Variants in ROBO3 observed in about 807,000 individuals in gnomAD.
ROBO3 encodes roundabout guidance receptor 3.
In ROBO3, 97 loss-of-function variants were observed where a neutral mutation model predicts 160.5. The ratio of observed to expected loss-of-function variants is 0.60; its 90% CI spans 0.51 to 0.72. ROBO3 has a LOEUF of 0.72. Among genes scored for constraint, ROBO3 ranks in the 30% least tolerant of loss-of-function variants. The pLI, the probability that ROBO3 is intolerant of heterozygous loss-of-function variation, is 0.00. For missense variants in ROBO3, 1,858 were observed against 1,846.5 expected (o/e 1.01, Z -0.11); for synonymous variants, 780 against 746.2 (o/e 1.05, Z -0.74).
chr11:124,873,484 CTTTATGTCA>C lies in ROBO3; in HGVS notation c.1618+94_1618+102del. ...ATACCTCCTCAAACTCCGGGATTAACTTTATGTCACAAATGCCATGGTTACGGTGGTGAG... is the reference window on the plus strand; with the variant it reads ...ATACCTCCTCAAACTCCGGGATTAACCAAATGCCATGGTTACGGTGGTGAG... On this transcript the variant is annotated intron_variant, in intron 10 of 27. Coordinates refer to ENST00000397801, the MANE Select transcript of ROBO3 (RefSeq NM_022370.4). This position sits in a 1 kb window ranked among gnomAD's most constrained non-coding sequence, Gnocchi z 4.5. 1.7e-6 allele frequency: 2 copies of C among 1,181,820 alleles called. No homozygotes were observed. The highest frequency in any genetic ancestry group is 2.6e-5 in the South Asian group (2 of 75,782). The allele number at this position is 1,181,820 out of a possible 1,614,324, so 73.2% of individuals were successfully genotyped here. A position where few individuals can be genotyped will look rare whatever the true frequency, so the allele number is the denominator to read the frequency against.
chr11:124,874,034 G>A, intron 11 of ROBO3, 36 bp from the exon 12 acceptor site: 1 of 1,612,512 alleles, frequency 6.2e-7, no homozygotes. Flanking sequence ...GGGAGTTCCT[G>A]GCTTAGACAA....
Position 124,869,225 on chromosome 11 carries a change from C to A in ROBO3, c.487+97C>A. On this transcript the variant is annotated intron_variant, in intron 2 of 27. Coordinates refer to ENST00000397801, the MANE Select transcript of ROBO3 (RefSeq NM_022370.4). This position sits in a 1 kb window ranked among gnomAD's most constrained non-coding sequence, Gnocchi z 4.2. The stretch of plus-strand genomic sequence containing the variant: ...ACCCAGAACCAGCCCCAAAGGACTT[C>A]AGCCCACTCAGCATCCTTCTTTGGG... 1 of 1,304,052 alleles carries A rather than the reference C, an allele frequency of 7.7e-7. No homozygotes were observed. Among genetic ancestry groups the A allele is most frequent in the South Asian group, 1.4e-5 (1 of 70,580 alleles). 80.8% of individuals were successfully genotyped at this position (1,304,052 alleles called of 1,614,324 possible).
At chr11:124,877,238 T>A (rs777861989) in intron 18 of ROBO3, 29 bp from the exon 19 acceptor site, 37 of 1,613,908 alleles carry the variant, frequency 2.3e-5, no homozygotes, top group Non-Finnish European at 3.0e-5. Context: ...GGCCCTTCTC[T>A]CACTCATTCG....
chr11:124,874,269 A>T (rs1260958284), intron 12 of ROBO3, 33 bp downstream of exon 12: 3 of 1,586,552 alleles, frequency 1.9e-6, no homozygotes, highest in Non-Finnish European at 2.6e-6. Flanking sequence ...CATGAGCATG[A>T]AATGTAACAT....
In ROBO3 at chr11:124,876,190, A is replaced by T. The variant is rs999903004; in HGVS notation, c.2593+65A>T. On this transcript the variant is annotated intron_variant, in intron 16 of 27. Coordinates refer to ENST00000397801, the MANE Select transcript of ROBO3 (RefSeq NM_022370.4). This position sits in a 1 kb window ranked among gnomAD's most constrained non-coding sequence, Gnocchi z 5.3. Reference sequence around the variant, plus strand: ...GGCGGGGCAAGCCCCCCACTGGGGTAGCTGTGCCTGCCGGGTCGGGAATGA... The same window carrying T: ...GGCGGGGCAAGCCCCCCACTGGGGTTGCTGTGCCTGCCGGGTCGGGAATGA... 2.0e-6 allele frequency: 3 copies of T among 1,532,826 alleles called. No homozygotes were observed. The highest frequency in any genetic ancestry group is 2.6e-6 in the Non-Finnish European group (3 of 1,147,148). 95.0% of individuals were successfully genotyped at this position (1,532,826 alleles called of 1,614,324 possible).
At chr11:124,868,452 C>T in intron 1 of ROBO3, 2 of 576,918 alleles carry the variant, frequency 3.5e-6, no homozygotes, top group South Asian at 4.1e-5. Flanking sequence ...GGGCAGGAGG[C>T]GAGGGAGCGG....
At chr11:124,877,491 T>TC in intron 19 of ROBO3, 28 bp from the exon 20 acceptor site, 1 of 1,599,496 alleles carries the variant, frequency 6.3e-7, no homozygotes, top group African/African-American at 1.3e-5. Flanking sequence ...AGGCTCTCCG[T>TC]CCCCAACGCT....
At chr11:124,866,965 T>C (rs1185890666) in intron 1 of ROBO3, among the ~76,000 whole-genome samples, 4 of 152,180 alleles carry the variant, frequency 2.6e-5, no homozygotes, top group Non-Finnish European at 5.9e-5. Flanking sequence ...ACCTAGCGCG[T>C]TTACAGAGTG....
At chr11:124,870,409 G>T (rs1424377757) in intron 5 of ROBO3, 106 bp downstream of exon 5, 89 of 1,493,746 alleles carry the variant, frequency 6.0e-5, no homozygotes, top group Non-Finnish European at 8.1e-6. Context: ...ACACAGAGAA[G>T]TCTGTTCCCT....
chr11:124,881,417 A>C lies in ROBO3; in HGVS notation c.*167A>C. 1.5e-6 allele frequency: 1 copy of C among 648,408 alleles called. No homozygotes were observed. Among genetic ancestry groups the C allele is most frequent in the Non-Finnish European group, 2.7e-6 (1 of 371,178 alleles). The allele number at this position is 648,408 out of a possible 1,614,324, so 40.2% of individuals were successfully genotyped here. ...AGCTCCTCCCTTTCTTTCTTTTTCC[A>C]CCTGAGACTTGTTTATAAAAAACAA... On this transcript the variant is annotated 3_prime_UTR_variant, in exon 28 of 28. Transcript: ENST00000397801.
intron 1 of ROBO3, 191 bp from the exon 2 acceptor site, chr11:124,868,611 C>G (rs1033913920): frequency 8.5e-6 from 6 of 708,268 alleles, no homozygotes; most frequent in African/African-American, 7.0e-5. Flanking sequence ...TCCTTTGAGA[C>G]GAGGAACGCG....
rs1352924630 is a variant in ROBO3 at position 124,881,432 on chromosome 11, A to T, written c.*182A>T. On this transcript the variant is annotated 3_prime_UTR_variant, in exon 28 of 28. Transcript: ENST00000397801. ...TTCTTTTTCCACCTGAGACTTGTTT[A>T]TAAAAAACAAAACAATAAAAAGAGT... is the stretch of plus-strand genomic sequence containing the variant. 2 of 620,764 alleles carry T rather than the reference A, an allele frequency of 3.2e-6. No individual in the cohort carries two copies. The highest frequency in any genetic ancestry group is 3.7e-5 in the African/African-American group (2 of 54,086). 38.5% of individuals were successfully genotyped at this position (620,764 alleles called of 1,614,324 possible).
Position 124,865,782 on chromosome 11 carries a change from G to C in ROBO3, c.160+45G>C. ...GGATATGGGATCCTGGGATGGGGAT[G>C]AGGTGAGAGGGCGGCGTGGAAGGGA... On this transcript the variant is annotated intron_variant, in intron 1 of 27. Coordinates refer to ENST00000397801, the MANE Select transcript of ROBO3 (RefSeq NM_022370.4). The surrounding 1 kb of genome is among the most constrained non-coding windows in gnomAD (Gnocchi z 5.5). 1.3e-6 allele frequency: 2 copies of C among 1,550,106 alleles called. No individual in the cohort carries two copies. Among genetic ancestry groups the C allele is most frequent in the Non-Finnish European group, 8.7e-7 (1 of 1,147,256 alleles).
Position 124,869,820 on chromosome 11 carries a change from G to T in ROBO3, c.646-128G>T. On this transcript the variant is annotated intron_variant, in intron 3 of 27. Transcript: ENST00000397801. The surrounding 1 kb of genome is among the most constrained non-coding windows in gnomAD (Gnocchi z 4.2). ...ATTTGATATGTGGGTCAACTTCCTT[G>T]GTCTCCTTTATCAGCTTGCTGTGAG... 1 of 1,374,934 alleles carries T rather than the reference G, an allele frequency of 7.3e-7. No individual in the cohort carries two copies. The highest frequency in any genetic ancestry group is 1.0e-6 in the Non-Finnish European group (1 of 1,001,400). 85.2% of individuals were successfully genotyped at this position (1,374,934 alleles called of 1,614,324 possible).
In ROBO3 at chr11:124,869,812, A is replaced by G. The variant is rs1483507462; in HGVS notation, c.646-136A>G. 24 of 1,347,700 alleles carry G rather than the reference A, an allele frequency of 1.8e-5. No homozygotes were observed. The highest frequency in any genetic ancestry group is 1.1e-4 in the Admixed American group (5 of 46,842). The allele number at this position is 1,347,700 out of a possible 1,614,324, so 83.5% of individuals were successfully genotyped here. On this transcript the variant is annotated intron_variant, in intron 3 of 27. Transcript: ENST00000397801. The surrounding 1 kb of genome is among the most constrained non-coding windows in gnomAD (Gnocchi z 4.2). ...AACTTCCCATTTGATATGTGGGTCA[A>G]CTTCCTTGGTCTCCTTTATCAGCTT...
At position 124,876,644 on chromosome 11, in the gene ROBO3, G is replaced by A; in HGVS notation, c.2779+184G>A. 1.9e-6 allele frequency: 1 copy of A among 516,924 alleles called. No individual in the cohort carries two copies. Among genetic ancestry groups the A allele is most frequent in the Non-Finnish European group, 3.2e-6 (1 of 309,668 alleles). 32.0% of individuals were successfully genotyped at this position (516,924 alleles called of 1,614,324 possible). A position where few individuals can be genotyped will look rare whatever the true frequency, so the allele number is the denominator to read the frequency against. On this transcript the variant is annotated intron_variant, in intron 17 of 27. Transcript: ENST00000397801. This position sits in a 1 kb window ranked among gnomAD's most constrained non-coding sequence, Gnocchi z 5.3. The stretch of plus-strand genomic sequence containing the variant: ...CTCGAGGAGCTGCCAGGACTAGGGA[G>A]GGCTGCGGGCCAAGACGGGGCGGGA...
chr11:124,877,983 C>T lies in ROBO3; in HGVS notation c.3033C>T (p.Ala1011=). The T allele has an allele frequency of 2.0e-5, 32 of 1,610,826 alleles. No homozygotes were observed. Among genetic ancestry groups the T allele is most frequent in the Non-Finnish European group, 2.7e-5 (32 of 1,178,546 alleles). Residue 1011 remains alanine (A), a synonymous_variant, in exon 21 of 28, where the codon GCC becomes GCT. Transcript: ENST00000397801. The part of the protein sequence containing the change: ...LYLAQTARGT[A]APGEGPVYST... Reference sequence around the variant, plus strand: ...TAGCTCAGACGGCCAGGGGCACGGCCGCCCCTGGCGAGGGTCCTGTCTATA... The same window carrying T: ...TAGCTCAGACGGCCAGGGGCACGGCTGCCCCTGGCGAGGGTCCTGTCTATA...
rs749789409 is a variant in ROBO3 at position 124,879,931 on chromosome 11, G to A, written c.3941G>A (p.Arg1314Gln). 118 of 1,588,660 alleles carry A rather than the reference G, an allele frequency of 7.4e-5. No homozygotes were observed. Among genetic ancestry groups the A allele is most frequent in the Non-Finnish European group, 9.8e-5 (115 of 1,168,294 alleles). The stretch of plus-strand genomic sequence containing the variant: ...CAGGCCGTGCCCCTGGCAGCCCAGC[G>A]GGTGCTCCACCCAGATGGTAAGCAG... Reference protein sequence around the residue: ...AVQAVPLAAQRVLHPDEEAWL... With the variant: ...AVQAVPLAAQQVLHPDEEAWL... Residue 1314 changes from arginine to glutamine, a missense_variant, in exon 26 of 28, where the codon CGG becomes CAG. Physicochemically the swap from Arg to Gln is conservative, Grantham distance 43 (BLOSUM62 1). Transcript: ENST00000397801.
Position 124,874,081 on chromosome 11 carries a change from G to A in ROBO3, c.1796G>A (p.Gly599Asp). Residue 599 changes from glycine (G) to aspartate (D), a missense_variant, in exon 12 of 28, where the codon GGC (glycine) becomes GAC (aspartate). Gly to Asp is a moderately conservative substitution (Grantham distance 94). Coordinates refer to ENST00000397801, the MANE Select transcript of ROBO3 (RefSeq NM_022370.4). ...CCTTCTTGTTGTAGCCCAGCAGCTG[G>A]CAACACATGGCGTACTGTGGCAGAT... ...YVIEAFSPAA[G>D]NTWRTVADGV... The A allele has an allele frequency of 6.2e-7, 1 of 1,613,890 alleles. No individual in the cohort carries two copies. The highest frequency in any genetic ancestry group is 1.6e-4 in the Middle Eastern group (1 of 6,062).
Sources: allele counts gnomAD v4.1 joint callset (sites outside exome capture counted in the v4.1 genomes callset), GRCh38; gene constraint gnomAD v4.1.1; non-coding constraint Gnocchi (gnomAD v3.1); transcripts MANE v1.5; gene names NCBI Gene and HGNC (gene_info 2026-07-23, HGNC 2026-07-21).